MYOM3: variants seen among roughly 807,000 people sequenced by gnomAD.
MYOM3 encodes myomesin 3, also known as myomesin-3.
A neutral mutation model predicts 191.7 loss-of-function variants in MYOM3; 155 were observed. That is an observed-to-expected ratio of 0.81 (90% CI 0.71 to 0.92). MYOM3 has a LOEUF of 0.92. Ranked by LOEUF, MYOM3 falls within the 40% of genes least tolerant of loss-of-function variation. The probability of loss-of-function intolerance (pLI) is 0.00; values close to 1 mark genes in which losing one functional copy is unlikely to be tolerated. For missense variants in MYOM3, 1,889 were observed against 1,890.6 expected, an observed-to-expected ratio of 1.00 and a Z score of 0.02; for synonymous variants, 757 against 762.9, an observed-to-expected ratio of 0.99 and a Z score of 0.13.
chr1:24,092,292 C>A lies in MYOM3; in HGVS notation c.1114G>T (p.Ala372Ser). 1 of 1,359,526 alleles carries A rather than the reference C, an allele frequency of 7.4e-7. No individual in the cohort carries two copies. The highest frequency in any genetic ancestry group is 9.6e-7 in the Non-Finnish European group (1 of 1,045,676). 84.2% of individuals were successfully genotyped at this position (1,359,526 alleles called of 1,614,324 possible). A position where few individuals can be genotyped will look rare whatever the true frequency, so the allele number is the denominator to read the frequency against. The change falls in exon 11 of 37, where the codon GCC becomes TCC. Residue 372 changes from alanine to serine, a missense_variant. Transcript: ENST00000374434. ...CGGACGTTCAGTGGGGAGCCTGGGG[C>A]CCCGGGGTTCTCGGCCTCGGCATCT... ...VRDAEAENPG[A>S]PGSPLNVRCL...
Position 24,093,077 on chromosome 1 carries a change from C to G in MYOM3, c.960G>C (p.Lys320Asn). The change falls in exon 10 of 37, where the codon AAG becomes AAC. Residue 320 changes from lysine (K) to asparagine (N), a missense_variant. Lys to Asn is a moderately conservative substitution (Grantham distance 94). Coordinates refer to ENST00000374434, the MANE Select transcript of MYOM3 (RefSeq NM_152372.4). ...ATGCCTGGCGGTCTGTGTAGAGGAT[C>G]TTCCGACGTCTCGAGGACCTCAGTA... ...GSLLRSSRRRKILYTDRQASL... is the reference protein window; with the variant it reads ...GSLLRSSRRRNILYTDRQASL... The G allele has an allele frequency of 6.2e-7, 1 of 1,611,648 alleles. No homozygotes were observed. Among genetic ancestry groups the G allele is most frequent in the East Asian group, 2.2e-5 (1 of 44,838 alleles).
At chr1:24,090,673 G>T in intron 12 of MYOM3, 124 bp downstream of exon 12, 1 of 906,208 alleles carries the variant, frequency 1.1e-6, no homozygotes, top group Non-Finnish European at 1.7e-6. Flanking sequence ...GTTTACTGAG[G>T]GCTGGGCTGT....
chr1:24,088,047 C>T (rs965747244), intron 14 of MYOM3, among the ~76,000 whole-genome samples: 14 of 152,138 alleles, frequency 9.2e-5, no homozygotes, highest in Admixed American at 6.6e-4. Flanking sequence ...TGGTTGGCTG[C>T]GAACCTGTTT....
intron 19 of MYOM3, 49 bp from the exon 20 acceptor site, chr1:24,080,243 C>A: frequency 6.7e-7 from 1 of 1,485,444 alleles, no homozygotes; most frequent in Non-Finnish European, 9.2e-7. Context: ...GGCAGCCAGG[C>A]AGCCAGCCAG....
chr1:24,074,285 G>C lies in MYOM3; in HGVS notation c.2859-16C>G, dbSNP rs375445833. 1.3e-6 allele frequency: 2 copies of C among 1,598,388 alleles called. No individual in the cohort carries two copies. The highest frequency in any genetic ancestry group is 1.3e-5 in the African/African-American group (1 of 74,716). Reference sequence around the variant, plus strand: ...GACCTTGGACCTGGCAGAGAGAGGAGAGCAGAGGCTCTGGGAGGAGCTCCT... The same window carrying C: ...GACCTTGGACCTGGCAGAGAGAGGACAGCAGAGGCTCTGGGAGGAGCTCCT... On this transcript the variant is annotated splice_polypyrimidine_tract_variant and intron_variant, in intron 22 of 36. Transcript: ENST00000374434.
At chr1:24,094,654 A>G (rs958667219) in intron 9 of MYOM3, among the ~76,000 whole-genome samples, 199 bp downstream of exon 9, 1 of 152,004 alleles carries the variant, frequency 6.6e-6, no homozygotes, top group Non-Finnish European at 1.5e-5. Flanking sequence ...CACCCCACAG[A>G]TGCTTGGTGG....
intron 25 of MYOM3, 49 bp downstream of exon 25, chr1:24,071,068 C>T: frequency 6.3e-7 from 1 of 1,596,854 alleles, no homozygotes; most frequent in East Asian, 2.2e-5. Context: ...CGCGAGGCCA[C>T]CTCCCCGGCA....
rs1284754955 is a variant in MYOM3, at chr1:24,071,306, G to A, written c.3014-53C>T. On this transcript the variant is annotated intron_variant, in intron 24 of 36. Coordinates refer to ENST00000374434, the MANE Select transcript of MYOM3 (RefSeq NM_152372.4). ...GGGTTGGACCCCTTCTCCCTTTCCC[G>A]CTCCCTTCCAGCCCCACCTTGAGCA... 9 of 1,558,010 alleles carry A rather than the reference G, an allele frequency of 5.8e-6. No individual in the cohort carries two copies. The African/African-American group carries it at 6.8e-5, about 12-fold the overall frequency.
chr1:24,101,864 G>A (rs539497490), intron 5 of MYOM3, among the ~76,000 whole-genome samples: 24 of 152,308 alleles, frequency 1.6e-4, no homozygotes, highest in Admixed American at 1.4e-3. Context: ...CTTGTTCCCC[G>A]TGTTGTGTGA....
intron 23 of MYOM3, 40 bp downstream of exon 23, chr1:24,074,120 C>G (rs759551068): frequency 3.6e-5 from 54 of 1,515,478 alleles, no homozygotes; most frequent in Non-Finnish European, 4.6e-5. Flanking sequence ...TTGGGACTCT[C>G]TCTCTGGGGA....
At chr1:24,093,852 G>A (rs1006019391) in intron 9 of MYOM3, among the ~76,000 whole-genome samples, 1 of 152,134 alleles carries the variant, frequency 6.6e-6, no homozygotes, top group African/African-American at 2.4e-5. Flanking sequence ...GCTCAGAGCT[G>A]GGGGTGCCAG....
chr1:24,104,484 C>CA (rs1643966110), intron 5 of MYOM3, among the ~76,000 whole-genome samples: 1 of 151,216 alleles, frequency 6.6e-6, no homozygotes, highest in Non-Finnish European at 1.5e-5. Flanking sequence ...TATTTCTTTT[C>CA]TTTTTTTTTG....
intron 14 of MYOM3, among the ~76,000 whole-genome samples, chr1:24,088,316 A>G (rs1643772558): frequency 6.6e-6 from 1 of 152,158 alleles, no homozygotes; most frequent in African/African-American, 2.4e-5. Context: ...GAAACCATGA[A>G]CACTGCTGAG....
Position 24,086,735 on chromosome 1 carries a change from C to T in MYOM3, c.1707G>A (p.Lys569=), listed in dbSNP as rs1643752951. 2 of 1,614,218 alleles carry T rather than the reference C, an allele frequency of 1.2e-6. No homozygotes were observed. Among genetic ancestry groups the T allele is most frequent in the Non-Finnish European group, 8.5e-7 (1 of 1,180,036 alleles). The part of the protein sequence containing the change: ...RFAVLDLEKK[K]SYVFRVRAMN... The stretch of plus-strand genomic sequence containing the variant: ...TTGCTCGCACTCTGAAGACATACGA[C>T]TTCTTTTTCTCCAGGTCCAGAACGG... Residue 569 remains lysine, a synonymous_variant, in exon 15 of 37, where the codon AAG becomes AAA. Transcript: ENST00000374434.
chr1:24,108,382 T>A (rs1446973657), intron 2 of MYOM3, 94 bp downstream of exon 2: 2 of 1,315,430 alleles, frequency 1.5e-6, no homozygotes, highest in Non-Finnish European at 1.0e-6. Context: ...CCCCATCAGG[T>A]TGGAGCCTCC....
chr1:24,110,251 C>T lies in MYOM3; in HGVS notation c.-18-1597G>A, dbSNP rs137913601. ...GGGATGGAAACAGAAGAGGGATGACCGCCTGCCTTGGCCTGCTCCTGTCAG... is the reference window on the plus strand; with the variant it reads ...GGGATGGAAACAGAAGAGGGATGACTGCCTGCCTTGGCCTGCTCCTGTCAG... On this transcript the variant is annotated intron_variant, in intron 1 of 36. Coordinates refer to ENST00000374434, the MANE Select transcript of MYOM3 (RefSeq NM_152372.4). 3.3e-3 allele frequency among the ~76,000 whole-genome samples: 497 copies of T among 152,270 alleles called. 1 individual carries two copies. The highest frequency in any genetic ancestry group is 9.5e-3 in the African/African-American group (396 of 41,548).
chr1:24,092,438 G>A (rs1643850694), intron 10 of MYOM3, 123 bp from the exon 11 acceptor site: 3 of 838,146 alleles, frequency 3.6e-6, no homozygotes, highest in South Asian at 5.2e-5. Flanking sequence ...TGATCTTGAG[G>A]ACTGGGGCCT....
intron 27 of MYOM3, among the ~76,000 whole-genome samples, chr1:24,067,733 A>G (rs1335555935): frequency 6.6e-6 from 1 of 152,100 alleles, no homozygotes; most frequent in African/African-American, 2.4e-5. Flanking sequence ...AAGTGCTAGG[A>G]TTACAGGTGT....
chr1:24,082,620 C>T lies in MYOM3; in HGVS notation c.2065G>A (p.Glu689Lys), dbSNP rs200195822. 52 of 1,611,138 alleles carry T rather than the reference C, an allele frequency of 3.2e-5. No individual in the cohort carries two copies. Among genetic ancestry groups the T allele is most frequent in the African/African-American group, 6.7e-5 (5 of 74,882 alleles). Residue 689 changes from glutamate to lysine, a missense_variant, in exon 17 of 37, where the codon GAG becomes AAG. Glu to Lys is a moderately conservative substitution (Grantham distance 56, BLOSUM62 1). Transcript: ENST00000374434. ...AGAGCCTGCTTGACCCTGATGGGCT[C>T]GGTGGCGGCTGAGCTCTCGCCTACC... is the stretch of plus-strand genomic sequence containing the variant. Reference protein sequence around the residue: ...AGVGESSAATEPIRVKQALAT... With the variant: ...AGVGESSAATKPIRVKQALAT...
Sources: gnomAD v4.1 joint callset for allele counts (sites outside exome capture counted in the v4.1 genomes callset) on GRCh38, gnomAD v4.1.1 for gene constraint, MANE v1.5 for transcripts, NCBI Gene and HGNC (gene_info 2026-07-23, HGNC 2026-07-21) for gene names.